Variants in DEPDC1B observed in about 807,000 individuals in gnomAD.
The protein encoded by DEPDC1B is DEP domain containing 1B, also known as DEP domain-containing protein 1B.
Under a neutral mutation model 66.5 loss-of-function variants are expected in DEPDC1B, and 51 were observed. The ratio of observed to expected loss-of-function variants is 0.77; its 90% CI spans 0.61 to 0.97. The LOEUF is 0.97. Among genes scored for constraint, DEPDC1B ranks in the 50% least tolerant of loss-of-function variants. The probability of loss-of-function intolerance (pLI) is 0.00; values close to 1 mark genes in which losing one functional copy is unlikely to be tolerated. For missense variants in DEPDC1B, 552 were observed against 637.1 expected, an observed-to-expected ratio of 0.87 and a Z score of 1.44; for synonymous variants, 226 against 223.6, an observed-to-expected ratio of 1.01 and a Z score of -0.10.
chr5:60,663,784 G>A (rs1487782924), intron 2 of DEPDC1B, among the ~76,000 whole-genome samples: 1 of 152,198 alleles, frequency 6.6e-6, no homozygotes, highest in Admixed American at 6.5e-5. Context: ...CCACTCAAGC[G>A]CTTTTAAACT....
chr5:60,623,939 A>G (rs554877081), intron 7 of DEPDC1B, among the ~76,000 whole-genome samples: 30 of 152,196 alleles, frequency 2.0e-4, no homozygotes, highest in African/African-American at 6.7e-4. Flanking sequence ...GGGATTTTTG[A>G]TATCAGCAAA....
chr5:60,646,263 T>C (rs1753313350), intron 3 of DEPDC1B, among the ~76,000 whole-genome samples: 2 of 152,316 alleles, frequency 1.3e-5, no homozygotes, highest in South Asian at 4.1e-4. Context: ...AATTCTACAA[T>C]GAGCTTCGGT....
chr5:60,690,104 A>G (rs756927364), intron 1 of DEPDC1B, among the ~76,000 whole-genome samples: 5 of 152,218 alleles, frequency 3.3e-5, no homozygotes, highest in Non-Finnish European at 7.3e-5. Flanking sequence ...AACATGTTGA[A>G]TTATATTTAA....
chr5:60,696,520 A>G (rs1326541125), intron 1 of DEPDC1B, among the ~76,000 whole-genome samples: 1 of 152,244 alleles, frequency 6.6e-6, no homozygotes, highest in Non-Finnish European at 1.5e-5. Context: ...TCAGAAAGAA[A>G]AATAAGTATC....
intron 3 of DEPDC1B, among the ~76,000 whole-genome samples, chr5:60,646,038 G>T (rs1459811735): frequency 6.6e-6 from 1 of 152,154 alleles, no homozygotes; most frequent in Non-Finnish European, 1.5e-5. Flanking sequence ...TACTTTTGAG[G>T]ACTGTCTATT....
chr5:60,685,998 TGCACA>T (rs1317783369), intron 2 of DEPDC1B, among the ~76,000 whole-genome samples: 3 of 152,224 alleles, frequency 2.0e-5, no homozygotes, highest in Admixed American at 2.0e-4. Flanking sequence ...TAGATCCTAA[TGCACA>T]GCAATGTCTG....
chr5:60,597,555 TACACTTTAA>T lies in DEPDC1B; in HGVS notation c.*189_*197del. 2 of 533,862 alleles carry T rather than the reference TACACTTTAA, an allele frequency of 3.7e-6. No individual in the cohort carries two copies. The highest frequency in any genetic ancestry group is 6.3e-6 in the Non-Finnish European group (2 of 316,930). 33.1% of individuals were successfully genotyped at this position (533,862 alleles called of 1,614,324 possible). On this transcript the variant is annotated 3_prime_UTR_variant, in exon 11 of 11. Coordinates refer to ENST00000265036, the MANE Select transcript of DEPDC1B (RefSeq NM_018369.3). ...TGACTCATAAATTTTAACCAATTTA[TACACTTTAA>T]AACTAGCATTGAGTTTTATAAAAAT...
chr5:60,620,342 G>A (rs1218651270), intron 7 of DEPDC1B, among the ~76,000 whole-genome samples: 2 of 152,128 alleles, frequency 1.3e-5, no homozygotes, highest in Non-Finnish European at 2.9e-5. Flanking sequence ...TACCATCAGA[G>A]TGAACAAGCA....
At chr5:60,631,251 G>A (rs1405029235) in intron 7 of DEPDC1B, among the ~76,000 whole-genome samples, 2 of 152,174 alleles carry the variant, frequency 1.3e-5, no homozygotes, top group Non-Finnish European at 2.9e-5. Flanking sequence ...ACTGGGCATT[G>A]GAAAAGGTCC....
intron 1 of DEPDC1B, among the ~76,000 whole-genome samples, chr5:60,697,404 G>C (rs921572077): frequency 6.6e-6 from 1 of 152,142 alleles, no homozygotes; most frequent in Non-Finnish European, 1.5e-5. Context: ...TTCCCCTGAA[G>C]AAAGTTTAGA....
At chr5:60,655,272 G>C (rs1479385444) in intron 2 of DEPDC1B, among the ~76,000 whole-genome samples, 1 of 148,294 alleles carries the variant, frequency 6.7e-6, no homozygotes, top group Non-Finnish European at 1.5e-5. Flanking sequence ...TATTGTTGCT[G>C]GCTATTTTTT....
At chr5:60,609,264 C>A (rs1248437951) in intron 7 of DEPDC1B, among the ~76,000 whole-genome samples, 2 of 152,288 alleles carry the variant, frequency 1.3e-5, no homozygotes, top group Admixed American at 6.5e-5. Context: ...AATAACTCAA[C>A]CTTCCTGTGA....
intron 2 of DEPDC1B, among the ~76,000 whole-genome samples, chr5:60,652,378 C>CA (rs1478854987): frequency 6.8e-6 from 1 of 148,136 alleles, no homozygotes; most frequent in Non-Finnish European, 1.5e-5. Flanking sequence ...TGTGAAATTG[C>CA]AAAAAAAGTA....
chr5:60,655,602 AT>A (rs1254258808), intron 2 of DEPDC1B, among the ~76,000 whole-genome samples: 1 of 148,280 alleles, frequency 6.7e-6, no homozygotes, highest in Non-Finnish European at 1.5e-5. Flanking sequence ...CATTTGTATT[AT>A]TTTTTGTTTC....
chr5:60,638,654 G>T, intron 7 of DEPDC1B, 96 bp downstream of exon 7: 1 of 1,246,820 alleles, frequency 8.0e-7, no homozygotes, highest in Non-Finnish European at 1.1e-6. Context: ...TTTTTAAAAT[G>T]GCATGAGTTT....
At chr5:60,607,980 G>C (rs554383037) in intron 7 of DEPDC1B, among the ~76,000 whole-genome samples, 19 of 152,252 alleles carry the variant, frequency 1.2e-4, no homozygotes, top group African/African-American at 4.3e-4. Context: ...ATTAAAGACT[G>C]AGGGGTTCAT....
chr5:60,678,936 G>A (rs1754230671), intron 2 of DEPDC1B, among the ~76,000 whole-genome samples: 1 of 151,970 alleles, frequency 6.6e-6, no homozygotes, highest in South Asian at 2.1e-4. Flanking sequence ...TTTATGTTTG[G>A]TGCTTTTAGT....
In DEPDC1B at chr5:60,645,489, T is replaced by A. The variant is rs1753290398; in HGVS notation, c.578+3A>T. 1 of 1,605,260 alleles carries A rather than the reference T, an allele frequency of 6.2e-7. No homozygotes were observed. The highest frequency in any genetic ancestry group is 8.5e-7 in the Non-Finnish European group (1 of 1,176,534). The stretch of plus-strand genomic sequence containing the variant: ...ATTTCTCATTAATATCAAATGTACA[T>A]ACTATGATAATGTCATAGACTTCCA... On this transcript the variant is annotated splice_donor_region_variant and intron_variant, in intron 4 of 10. Coordinates refer to ENST00000265036, the MANE Select transcript of DEPDC1B (RefSeq NM_018369.3).
intron 1 of DEPDC1B, among the ~76,000 whole-genome samples, chr5:60,690,274 C>G (rs925833129): frequency 2.0e-5 from 3 of 152,058 alleles, no homozygotes; most frequent in Admixed American, 2.0e-4. Context: ...TTGACTGAAG[C>G]GTGGAATAGC....
Sources: allele counts gnomAD v4.1 joint callset (sites outside exome capture counted in the v4.1 genomes callset), GRCh38; gene constraint gnomAD v4.1.1; transcripts MANE v1.5; gene names NCBI Gene and HGNC (gene_info 2026-07-23, HGNC 2026-07-21).